Variants in ATP10A observed in about 807,000 individuals in gnomAD.
The protein encoded by ATP10A is phospholipid-transporting ATPase VA.
Under a neutral mutation model 147.8 loss-of-function variants are expected in ATP10A, and 111 were observed. That is an observed-to-expected ratio of 0.75 (90% CI 0.64 to 0.88). The LOEUF (loss-of-function observed/expected upper bound fraction) is 0.88. Ranked by LOEUF, ATP10A falls within the 40% of genes least tolerant of loss-of-function variation. The pLI is 0.00. For synonymous variants in ATP10A, 875 were observed against 841.6 expected (o/e 1.04, Z -0.69); for missense variants, 1,927 against 1,959.0 (o/e 0.98, Z 0.31).
intron 1 of ATP10A, among the ~76,000 whole-genome samples, chr15:25,819,936 G>A (rs1277937652): frequency 6.6e-6 from 1 of 152,064 alleles, no homozygotes; most frequent in East Asian, 1.9e-4. Flanking sequence ...GGGGAGGGCG[G>A]AAGGAGGTGA....
At chr15:25,708,417 C>T (rs1043633328) in intron 10 of ATP10A, 117 bp from the exon 11 acceptor site, 1 of 822,592 alleles carries the variant, frequency 1.2e-6, no homozygotes, top group Admixed American at 2.6e-5. Context: ...CACAAATTTT[C>T]ATATAGAATT....
intron 1 of ATP10A, among the ~76,000 whole-genome samples, chr15:25,852,849 C>A (rs551361512): frequency 6.6e-6 from 1 of 152,178 alleles, no homozygotes; most frequent in Non-Finnish European, 1.5e-5. Flanking sequence ...TATAACCCTG[C>A]GTACTCCACT....
intron 2 of ATP10A, among the ~76,000 whole-genome samples, chr15:25,744,723 A>G (rs913326208): frequency 6.6e-5 from 10 of 152,224 alleles, no homozygotes; most frequent in African/African-American, 2.4e-4. Context: ...CTAGCAAACT[A>G]CAAGAAACAT....
chr15:25,793,822 C>T (rs907262825), intron 1 of ATP10A, among the ~76,000 whole-genome samples: 1 of 152,166 alleles, frequency 6.6e-6, no homozygotes, highest in East Asian at 1.9e-4. Flanking sequence ...CACAGTTGAC[C>T]TCTTTTCCAC....
At chr15:25,844,273 C>T (rs559181303) in intron 1 of ATP10A, among the ~76,000 whole-genome samples, 2 of 152,206 alleles carry the variant, frequency 1.3e-5, no homozygotes, top group East Asian at 1.9e-4. Flanking sequence ...ACAGGTGGTG[C>T]GTTTCTCTCC....
At chr15:25,839,920 C>T (rs1567423206) in intron 1 of ATP10A, among the ~76,000 whole-genome samples, 1 of 152,080 alleles carries the variant, frequency 6.6e-6, no homozygotes. Flanking sequence ...TAAGTGCATT[C>T]GTGTGCGTGT....
chr15:25,846,271 G>A (rs977485268), intron 1 of ATP10A, among the ~76,000 whole-genome samples: 6 of 152,132 alleles, frequency 3.9e-5, no homozygotes, highest in African/African-American at 9.7e-5. Flanking sequence ...TGAATTCCAC[G>A]GAACTGCACA....
chr15:25,857,269 C>T (rs1340090549), intron 1 of ATP10A, among the ~76,000 whole-genome samples: 2 of 152,068 alleles, frequency 1.3e-5, no homozygotes, highest in African/African-American at 4.8e-5. Context: ...CATAGTGAGA[C>T]CTTATCTCTA....
At chr15:25,713,458 G>A (rs1311652308) in intron 10 of ATP10A, among the ~76,000 whole-genome samples, 4 of 152,200 alleles carry the variant, frequency 2.6e-5, no homozygotes, top group East Asian at 1.9e-4. Context: ...TTGGAGGTGG[G>A]GGTGTGCAGG....
At chr15:25,725,095 GC>G (rs1365657116) in intron 5 of ATP10A, among the ~76,000 whole-genome samples, 1 of 152,130 alleles carries the variant, frequency 6.6e-6, no homozygotes, top group African/African-American at 2.4e-5. Flanking sequence ...TCCCACCTGA[GC>G]CCCGTCTCCC....
chr15:25,743,007 T>C lies in ATP10A; in HGVS notation c.655-6866A>G, dbSNP rs374613246. ...ACGGCTTTTGGGTGTGAACGTGTCA[T>C]GCTTTAGCGCTCACTCAGTAGACAG... is the stretch of plus-strand genomic sequence containing the variant. On this transcript the variant is annotated intron_variant, in intron 2 of 20. Coordinates refer to ENST00000555815, the MANE Select transcript of ATP10A (RefSeq NM_024490.4). 2.6e-5 allele frequency among the ~76,000 whole-genome samples: 4 copies of C among 152,290 alleles called. No individual in the cohort carries two copies. The South Asian group carries it at 8.3e-4, about 32-fold the overall frequency.
intron 1 of ATP10A, among the ~76,000 whole-genome samples, chr15:25,849,697 T>C (rs979563684): frequency 7.9e-5 from 12 of 152,190 alleles, no homozygotes; most frequent in African/African-American, 2.7e-4. Flanking sequence ...CTCACCTCCA[T>C]GCCAGAGAGA....
At position 25,835,021 on chromosome 15, in the gene ATP10A, G is replaced by T. The variant is rs542480430; in HGVS notation, c.449+27627C>A. Among the ~76,000 whole-genome samples, 7 of 152,298 alleles carry T rather than the reference G, an allele frequency of 4.6e-5. No individual in the cohort carries two copies. In the South Asian group the frequency reaches 1.5e-3, roughly 32 times the overall value. ...CTCACACCTGTAATCCCAGCACTTT[G>T]GGAGGCCGAGGCAGGATGATCACTT... is the stretch of plus-strand genomic sequence containing the variant. On this transcript the variant is annotated intron_variant, in intron 1 of 20. Transcript: ENST00000555815.
intron 1 of ATP10A, among the ~76,000 whole-genome samples, chr15:25,831,362 A>T (rs998442551): frequency 6.6e-6 from 1 of 152,226 alleles, no homozygotes; most frequent in African/African-American, 2.4e-5. Context: ...TGGACAGTTA[A>T]TCTCCTTGAC....
chr15:25,697,479 A>G (rs1280432243), intron 13 of ATP10A, among the ~76,000 whole-genome samples: 1 of 152,254 alleles, frequency 6.6e-6, no homozygotes, highest in East Asian at 1.9e-4. Flanking sequence ...GATGACACAG[A>G]TACTGACATT....
intron 13 of ATP10A, among the ~76,000 whole-genome samples, chr15:25,695,994 GA>G (rs1900316264): frequency 1.3e-5 from 2 of 152,188 alleles, no homozygotes; most frequent in South Asian, 4.2e-4. Flanking sequence ...GGATTCCAGA[GA>G]AAGGAGGAAA....
chr15:25,859,489 C>T (rs1251967220), intron 1 of ATP10A, among the ~76,000 whole-genome samples: 4 of 152,114 alleles, frequency 2.6e-5, no homozygotes, highest in African/African-American at 4.8e-5. Flanking sequence ...GAGGGGCTTC[C>T]CACACCCTCC....
At chr15:25,736,175 C>T (rs181777301) in intron 2 of ATP10A, 34 bp from the exon 3 acceptor site, 87 of 1,582,626 alleles carry the variant, frequency 5.5e-5, no homozygotes, top group Non-Finnish European at 6.4e-5. Flanking sequence ...TAGAGAAATC[C>T]GGGCTCAGGC....
downstream of ATP10A, among the ~76,000 whole-genome samples, chr15:25,673,391 C>A (rs1048062249): frequency 2.0e-5 from 3 of 152,206 alleles, no homozygotes; most frequent in African/African-American, 7.2e-5. Context: ...GTGCAGCAGC[C>A]AATGGCTTTC....
Sources: gnomAD v4.1 joint callset for allele counts (sites outside exome capture counted in the v4.1 genomes callset) on GRCh38, gnomAD v4.1.1 for gene constraint, MANE v1.5 for transcripts, NCBI Gene and HGNC (gene_info 2026-07-23, HGNC 2026-07-21) for gene names.